Variants in ENPP6 observed in about 807,000 individuals in gnomAD.
The protein encoded by ENPP6 is glycerophosphocholine cholinephosphodiesterase ENPP6.
A neutral mutation model predicts 42.0 loss-of-function variants in ENPP6; 32 were observed. The ratio of observed to expected loss-of-function variants is 0.76; its 90% CI spans 0.58 to 1.02. The LOEUF (loss-of-function observed/expected upper bound fraction) is 1.02, where lower values mean the gene tolerates loss of function less well. Ranked by LOEUF, ENPP6 falls within the 50% of genes least tolerant of loss-of-function variation. The pLI, the probability that ENPP6 is intolerant of heterozygous loss-of-function variation, is 0.00. For missense variants in ENPP6, 552 were observed against 566.8 expected (o/e 0.97, Z 0.27); for synonymous variants, 213 against 216.0 (o/e 0.99, Z 0.12).
At chr4:184,201,414 C>G (rs1462186475) in intron 1 of ENPP6, among the ~76,000 whole-genome samples, 1 of 151,848 alleles carries the variant, frequency 6.6e-6, no homozygotes, top group African/African-American at 2.4e-5. Flanking sequence ...GGAGGCGGGG[C>G]GGGGGGGTGT....
At chr4:184,145,291 C>T (rs1736899349) in intron 2 of ENPP6, among the ~76,000 whole-genome samples, 1 of 152,208 alleles carries the variant, frequency 6.6e-6, no homozygotes, top group Non-Finnish European at 1.5e-5. Flanking sequence ...TTGCTGCTTC[C>T]CCCTTTCACC....
intron 1 of ENPP6, among the ~76,000 whole-genome samples, chr4:184,170,445 G>GA (rs35346469): frequency 0.83 from 119,399 of 143,512 alleles, 50,709 homozygotes; most frequent in East Asian, 0.96. Context: ...AGAAAAGAAG[G>GA]AAAAAAAAAA....
At chr4:184,146,425 G>A (rs1464300112) in intron 2 of ENPP6, among the ~76,000 whole-genome samples, 5 of 100,950 alleles carry the variant, frequency 5.0e-5, no homozygotes, top group East Asian at 5.3e-4. Context: ...GCGAGACTCC[G>A]TTTCAAAAAA....
At chr4:184,201,289 T>C (rs902911795) in intron 1 of ENPP6, among the ~76,000 whole-genome samples, 1 of 152,156 alleles carries the variant, frequency 6.6e-6, no homozygotes, top group Non-Finnish European at 1.5e-5. Flanking sequence ...AAATGCCCTT[T>C]AACCCACTTT....
At chr4:184,208,392 C>A (rs576471013) in intron 1 of ENPP6, among the ~76,000 whole-genome samples, 1 of 152,134 alleles carries the variant, frequency 6.6e-6, no homozygotes, top group Non-Finnish European at 1.5e-5. Context: ...GCACCCTGCG[C>A]GAGCCGAAGC....
intron 6 of ENPP6, 95 bp downstream of exon 6, chr4:184,112,577 C>A: frequency 6.2e-6 from 9 of 1,444,426 alleles, no homozygotes; most frequent in Non-Finnish European, 6.5e-6. Flanking sequence ...GTGAAAAAAT[C>A]TTTTATGTAT....
At chr4:184,177,676 T>C (rs1732461127) in intron 1 of ENPP6, among the ~76,000 whole-genome samples, 3 of 152,196 alleles carry the variant, frequency 2.0e-5, no homozygotes, top group African/African-American at 4.8e-5. Context: ...CAGTCATCTT[T>C]GCTGTTCTGC....
chr4:184,116,876 C>A lies in ENPP6; in HGVS notation c.835G>T (p.Ala279Ser). 1 of 1,613,692 alleles carries A rather than the reference C, an allele frequency of 6.2e-7. No homozygotes were observed. The highest frequency in any genetic ancestry group is 1.1e-5 in the South Asian group (1 of 91,048). Residue 279 changes from alanine to serine, a missense_variant, in exon 5 of 8, where the codon GCC becomes TCC. Coordinates refer to ENST00000296741, the MANE Select transcript of ENPP6 (RefSeq NM_153343.4). ...DRGPVVSLWP[A>S]PGKHSEIYNK... Reference sequence around the variant, plus strand: ...CTTGCCTCAGAGTGTTTCCCAGGGGCCGGCCAAAGGCTCACAACAGGCCCG... The same window carrying A: ...CTTGCCTCAGAGTGTTTCCCAGGGGACGGCCAAAGGCTCACAACAGGCCCG...
At chr4:184,166,473 A>C (rs189088855) in intron 1 of ENPP6, among the ~76,000 whole-genome samples, 1 of 152,358 alleles carries the variant, frequency 6.6e-6, no homozygotes, top group Admixed American at 6.5e-5. Flanking sequence ...AAAAGGAAAC[A>C]AAAATAATTT....
At chr4:184,181,895 A>G (rs577540335) in intron 1 of ENPP6, among the ~76,000 whole-genome samples, 1 of 152,324 alleles carries the variant, frequency 6.6e-6, no homozygotes, top group Admixed American at 6.5e-5. Context: ...AAAACCTAAA[A>G]CTATAAAAAC....
intron 5 of ENPP6, among the ~76,000 whole-genome samples, chr4:184,114,529 G>A (rs904800899): frequency 6.6e-6 from 1 of 152,108 alleles, no homozygotes; most frequent in African/African-American, 2.4e-5. Flanking sequence ...TTGTATAAGT[G>A]AAAAATCTAG....
chr4:184,108,804 C>T (rs973917176), intron 6 of ENPP6, among the ~76,000 whole-genome samples: 1 of 152,224 alleles, frequency 6.6e-6, no homozygotes, highest in African/African-American at 2.4e-5. Context: ...TGTTCATGGA[C>T]ATAGGTGCTG....
intron 1 of ENPP6, among the ~76,000 whole-genome samples, chr4:184,155,990 G>T (rs1737153778): frequency 6.6e-6 from 1 of 152,176 alleles, no homozygotes; most frequent in African/African-American, 2.4e-5. Flanking sequence ...GATTGTGTGT[G>T]TGCATGCATG....
At chr4:184,106,197 G>C (rs1373840747) in intron 6 of ENPP6, among the ~76,000 whole-genome samples, 6 of 152,038 alleles carry the variant, frequency 3.9e-5, no homozygotes, top group African/African-American at 1.5e-4. Flanking sequence ...ACCATGCCCG[G>C]TTAATTTTTG....
chr4:184,151,914 T>C (rs1393172726), intron 2 of ENPP6, among the ~76,000 whole-genome samples: 1 of 152,192 alleles, frequency 6.6e-6, no homozygotes, highest in East Asian at 1.9e-4. Context: ...TATCTCCTTG[T>C]AAGATAATGG....
At chr4:184,187,686 T>C (rs145934050) in intron 1 of ENPP6, among the ~76,000 whole-genome samples, 1,606 of 152,276 alleles carry the variant, frequency 0.011, 15 homozygotes, top group Non-Finnish European at 0.014. Context: ...ACTTTTTCCA[T>C]AGAATTTATT....
chr4:184,098,865 T>C (rs1227612990), intron 6 of ENPP6, among the ~76,000 whole-genome samples: 1 of 152,120 alleles, frequency 6.6e-6, no homozygotes, highest in African/African-American at 2.4e-5. Context: ...ATTACAAATA[T>C]TTACTATTTC....
At chr4:184,193,941 A>G (rs1399734299) in intron 1 of ENPP6, among the ~76,000 whole-genome samples, 1 of 152,092 alleles carries the variant, frequency 6.6e-6, no homozygotes, top group Admixed American at 6.5e-5. Flanking sequence ...CTTCTATTAG[A>G]AGCTTTGCCT....
chr4:184,175,252 G>A (rs1737541401), intron 1 of ENPP6, among the ~76,000 whole-genome samples: 1 of 152,072 alleles, frequency 6.6e-6, no homozygotes. Context: ...TTCCCAACCA[G>A]CAAGCCCATA....
Sources: allele counts gnomAD v4.1 joint callset (sites outside exome capture counted in the v4.1 genomes callset), GRCh38; gene constraint gnomAD v4.1.1; transcripts MANE v1.5; gene names NCBI Gene and HGNC (gene_info 2026-07-23, HGNC 2026-07-21).